Variants in CEP95 observed in about 807,000 individuals in gnomAD.
CEP95 encodes centrosomal protein of 95 kDa.
Under a neutral mutation model 111.2 loss-of-function variants are expected in CEP95, and 98 were observed. The observed-to-expected ratio is 0.88, with a 90% confidence interval of 0.75 to 1.04. The LOEUF (loss-of-function observed/expected upper bound fraction) is 1.04. Among genes scored for constraint, CEP95 ranks in the 50% least tolerant of loss-of-function variants. The pLI, the probability that CEP95 is intolerant of heterozygous loss-of-function variation, is 0.00. For missense variants in CEP95, 1,027 were observed against 977.2 expected, an observed-to-expected ratio of 1.05 and a Z score of -0.68; for synonymous variants, 323 against 327.1, an observed-to-expected ratio of 0.99 and a Z score of 0.14.
At position 64,536,743 on chromosome 17, in the gene CEP95, G is replaced by T; in HGVS notation, c.2212G>T (p.Asp738Tyr). 1.3e-6 allele frequency: 2 copies of T among 1,596,794 alleles called. No individual in the cohort carries two copies. Among genetic ancestry groups the T allele is most frequent in the South Asian group, 1.1e-5 (1 of 87,202 alleles). ...ELDSMENYYK[D>Y]QFSLLAEAIS... ...GGACTCCATGGAGAACTACTATAAG[G>T]ACCAGGTGGGCTCCTGGCACTTGCT... Residue 738 changes from aspartate (D) to tyrosine (Y), a missense_variant, in exon 18 of 20, where the codon GAC becomes TAC. Asp to Tyr is a radical substitution (Grantham distance 160). Coordinates refer to ENST00000556440, the MANE Select transcript of CEP95 (RefSeq NM_138363.3).
intron 12 of CEP95, among the ~76,000 whole-genome samples, chr17:64,529,822 A>G (rs782511245): frequency 2.6e-5 from 4 of 152,230 alleles, no homozygotes; most frequent in Non-Finnish European, 5.9e-5. Flanking sequence ...ATTCAACAAC[A>G]GGGAGATTGG....
At chr17:64,512,146 A>C (rs1175727876) in intron 3 of CEP95, among the ~76,000 whole-genome samples, 1 of 152,224 alleles carries the variant, frequency 6.6e-6, no homozygotes, top group Non-Finnish European at 1.5e-5. Flanking sequence ...GTGATGCGAG[A>C]AAAATGTAGT....
At chr17:64,520,625 G>A (rs1967250900) in intron 6 of CEP95, 1 of 152,174 alleles carries the variant, frequency 6.6e-6, no homozygotes, top group Non-Finnish European at 1.5e-5. Context: ...TAGAGATGGG[G>A]TTTCGCCATA....
At chr17:64,512,508 A>G (rs2038949697) in intron 3 of CEP95, among the ~76,000 whole-genome samples, 1 of 152,220 alleles carries the variant, frequency 6.6e-6, no homozygotes, top group African/African-American at 2.4e-5. Flanking sequence ...ATGTTTAGAA[A>G]TGAATGATTA....
At position 64,514,338 on chromosome 17, in the gene CEP95, G is replaced by A; in HGVS notation, c.347G>A (p.Ser116Asn). 5 of 1,498,830 alleles carry A rather than the reference G, an allele frequency of 3.3e-6. No individual in the cohort carries two copies. Among genetic ancestry groups the A allele is most frequent in the Non-Finnish European group, 4.5e-6 (5 of 1,099,188 alleles). The allele number at this position is 1,498,830 out of a possible 1,614,324, so 92.8% of individuals were successfully genotyped here. ...TTGGAGTATCTTACAGAACGCATCA[G>A]TGAAACATCTCATGAGAAAAGTAAG... Reference protein sequence around the residue: ...GLLEYLTERISETSHEKSETE... With the variant: ...GLLEYLTERINETSHEKSETE... The change falls in exon 4 of 20, where the codon AGT (serine) becomes AAT (asparagine). Residue 116 changes from serine to asparagine, a missense_variant. By Grantham distance (46) the Ser-to-Asn change is conservative. Coordinates refer to ENST00000556440, the MANE Select transcript of CEP95 (RefSeq NM_138363.3).
At chr17:64,512,004 A>T (rs1165743226) in intron 3 of CEP95, among the ~76,000 whole-genome samples, 1 of 152,186 alleles carries the variant, frequency 6.6e-6, no homozygotes, top group Non-Finnish European at 1.5e-5. Context: ...GAAACACCTA[A>T]ATGTCCATTA....
At chr17:64,516,079 T>A (rs562539285) in intron 4 of CEP95, 1 of 152,306 alleles carries the variant, frequency 6.6e-6, no homozygotes, top group South Asian at 2.1e-4. Context: ...TGTTAATTGA[T>A]GTTATTGAAA....
rs373009981 is a variant in CEP95, at chr17:64,534,594, A to T, written c.1927A>T (p.Lys643Ter). The T allele has an allele frequency of 6.2e-7, 1 of 1,613,690 alleles. No individual in the cohort carries two copies. Among genetic ancestry groups the T allele is most frequent in the South Asian group, 1.1e-5 (1 of 91,084 alleles). ...YEHNKRLQDF[K>*]DCIRRQRLTQ... Reference sequence around the variant, plus strand: ...CCTTTCCCTTTCTTAGCAAGACTTCAAGGACTGCATTCGTAGGCAAAGGTT... The same window carrying T: ...CCTTTCCCTTTCTTAGCAAGACTTCTAGGACTGCATTCGTAGGCAAAGGTT... Residue 643 changes from lysine (K) to a stop codon, truncating the protein, a stop_gained, in exon 17 of 20, where the codon AAG becomes TAG. Transcript: ENST00000556440. LOFTEE classifies it high-confidence loss of function.
chr17:64,534,890 T>C, intron 17 of CEP95, 153 bp downstream of exon 17: 2 of 800,668 alleles, frequency 2.5e-6, no homozygotes, highest in Non-Finnish European at 4.1e-6. Flanking sequence ...TTGGCCACAC[T>C]TCATTTTCTT....
intron 2 of CEP95, among the ~76,000 whole-genome samples, chr17:64,509,466 C>G (rs976790475): frequency 5.3e-5 from 8 of 152,200 alleles, no homozygotes; most frequent in African/African-American, 1.9e-4. Context: ...AGGTGGATCA[C>G]CTGAGGCCAG....
chr17:64,516,347 T>A (rs2039143609), intron 4 of CEP95, among the ~76,000 whole-genome samples: 1 of 152,194 alleles, frequency 6.6e-6, no homozygotes, highest in Admixed American at 6.5e-5. Flanking sequence ...TGACTCAGCC[T>A]AAGGCATGAT....
chr17:64,511,195 G>A (rs1555674807), intron 3 of CEP95, among the ~76,000 whole-genome samples: 1 of 152,160 alleles, frequency 6.6e-6, no homozygotes. Flanking sequence ...GAAGTTTTGG[G>A]CACCATTGTC....
At chr17:64,507,465 C>G (rs1050720142) in intron 1 of CEP95, 40 of 1,280,834 alleles carry the variant, frequency 3.1e-5, no homozygotes, top group Non-Finnish European at 3.8e-5. Context: ...CACTATGGGC[C>G]CTGAGGTCGT....
chr17:64,510,359 AC>A (rs1283740404), intron 3 of CEP95, 79 bp downstream of exon 3: 1 of 911,214 alleles, frequency 1.1e-6, no homozygotes, highest in Non-Finnish European at 1.8e-6. Context: ...TGTTTACTTA[AC>A]CAAATGAGTG....
At position 64,510,251 on chromosome 17, in the gene CEP95, A is replaced by G. The variant is rs2144335920; in HGVS notation, c.227A>G (p.Tyr76Cys). Residue 76 changes from tyrosine to cysteine, a missense_variant, in exon 3 of 20, where the codon TAC (tyrosine) becomes TGC (cysteine). By Grantham distance (194) the Tyr-to-Cys change is radical. Coordinates refer to ENST00000556440, the MANE Select transcript of CEP95 (RefSeq NM_138363.3). ...QAVIDSLALD[Y>C]LQVSLSHITG... ...GTAATTGATTCACTGGCCTTGGACT[A>G]CTTGCAGGTCAGCTTGTCTCACATA... 2.5e-6 allele frequency: 4 copies of G among 1,609,888 alleles called. No individual in the cohort carries two copies. The East Asian group carries it at 8.9e-5, about 36-fold the overall frequency.
rs1555679799 is a variant in CEP95, at chr17:64,529,375, G to C, written c.1394G>C (p.Arg465Thr). 1.2e-6 allele frequency: 2 copies of C among 1,613,720 alleles called. No homozygotes were observed. The highest frequency in any genetic ancestry group is 1.7e-6 in the Non-Finnish European group (2 of 1,179,834). Reference protein sequence around the residue: ...VNKHKQFHLERKRQRKPRETD... With the variant: ...VNKHKQFHLETKRQRKPRETD... ...AAACACAAACAGTTCCACTTGGAGA[G>C]AAAAAGGCAGCGCAAGCCAAGAGAA... Residue 465 changes from arginine to threonine, a missense_variant, in exon 12 of 20, where the codon AGA (arginine) becomes ACA (threonine). Coordinates refer to ENST00000556440, the MANE Select transcript of CEP95 (RefSeq NM_138363.3).
chr17:64,517,153 T>C (rs963372645), intron 5 of CEP95, among the ~76,000 whole-genome samples: 4 of 152,180 alleles, frequency 2.6e-5, no homozygotes, highest in African/African-American at 9.7e-5. Flanking sequence ...TTCAAGGGAT[T>C]CTCCTGCCTC....
rs570585730 is a variant in CEP95, at chr17:64,534,524, C to T, written c.1918-61C>T. 1.8e-5 allele frequency: 26 copies of T among 1,464,096 alleles called. No homozygotes were observed. The Admixed American group carries it at 1.9e-4, about 11-fold the overall frequency. The allele number at this position is 1,464,096 out of a possible 1,614,324, so 90.7% of individuals were successfully genotyped here. A position where few individuals can be genotyped will look rare whatever the true frequency, so the allele number is the denominator to read the frequency against. ...TGATGGGGAGTGAGGCAGATGAGAA[C>T]GCTGGAATCTGCATTCCTCTTGTCC... On this transcript the variant is annotated intron_variant, in intron 16 of 19. Coordinates refer to ENST00000556440, the MANE Select transcript of CEP95 (RefSeq NM_138363.3).
chr17:64,534,945 A>G (rs1968549759), intron 17 of CEP95: 1 of 546,278 alleles, frequency 1.8e-6, no homozygotes, highest in African/African-American at 1.9e-5. Flanking sequence ...CGTGTCCCTC[A>G]TCTTAATGTG....
Sources: gnomAD v4.1 joint callset for allele counts (sites outside exome capture counted in the v4.1 genomes callset) on GRCh38, gnomAD v4.1.1 for gene constraint, MANE v1.5 for transcripts, NCBI Gene and HGNC (gene_info 2026-07-23, HGNC 2026-07-21) for gene names.